The following UNC5C variants were observed in gnomAD, a reference collection of about 807,000 sequenced individuals.
UNC5C encodes the protein unc-5 netrin receptor C.
UNC5C carries 47 observed loss-of-function variants against 99.8 expected under a neutral mutation model. The observed-to-expected ratio is 0.47, with a 90% CI of 0.37 to 0.60. The LOEUF (loss-of-function observed/expected upper bound fraction) is 0.60, where lower values mean the gene tolerates loss of function less well. UNC5C is among the 20% of genes least tolerant of loss of function. The pLI is 0.00. For synonymous variants in UNC5C, 487 were observed against 452.2 expected (o/e 1.08, Z -0.98); for missense variants, 1,062 against 1,165.9 (o/e 0.91, Z 1.30).
intron 15 of UNC5C, 54 bp downstream of exon 15, chr4:95,170,100 G>C: frequency 6.3e-7 from 1 of 1,591,286 alleles, no homozygotes; most frequent in Non-Finnish European, 8.6e-7. Flanking sequence ...ATAGTTATCG[G>C]TCCTGGAGGG....
intron 1 of UNC5C, among the ~76,000 whole-genome samples, chr4:95,502,808 G>T (rs949966671): frequency 6.6e-6 from 1 of 152,026 alleles, no homozygotes. Flanking sequence ...TTAAGTTCAG[G>T]TTATATTGAA....
At chr4:95,257,531 G>T (rs1400285879) in intron 4 of UNC5C, among the ~76,000 whole-genome samples, 1 of 152,208 alleles carries the variant, frequency 6.6e-6, no homozygotes, top group East Asian at 1.9e-4. Flanking sequence ...TGTGGAAAGG[G>T]GGGTGCAAGG....
chr4:95,341,199 A>G (rs1743560465), intron 1 of UNC5C, among the ~76,000 whole-genome samples: 1 of 146,974 alleles, frequency 6.8e-6, no homozygotes, highest in Admixed American at 6.7e-5. Context: ...GAAGATGTCC[A>G]CTGCAGCATT....
chr4:95,521,218 T>C (rs1722348031), intron 1 of UNC5C, among the ~76,000 whole-genome samples: 2 of 42,348 alleles, frequency 4.7e-5, no homozygotes, highest in South Asian at 2.2e-3. Flanking sequence ...TTCTTTTTTC[T>C]TTTTTCTTTT....
intron 3 of UNC5C, among the ~76,000 whole-genome samples, chr4:95,279,044 G>A (rs182670218): frequency 3.0e-4 from 45 of 152,166 alleles, no homozygotes; most frequent in African/African-American, 7.5e-4. Flanking sequence ...ATTCCCTTAT[G>A]TATATACATA....
intron 1 of UNC5C, among the ~76,000 whole-genome samples, chr4:95,461,463 T>A (rs1747597726): frequency 6.6e-6 from 1 of 151,178 alleles, no homozygotes; most frequent in Admixed American, 6.6e-5. Context: ...ATTGTTGGCT[T>A]GTCTAAAATA....
At chr4:95,391,065 T>C (rs1247940651) in intron 1 of UNC5C, among the ~76,000 whole-genome samples, 1 of 152,170 alleles carries the variant, frequency 6.6e-6, no homozygotes, top group Non-Finnish European at 1.5e-5. Context: ...GTTTTATAAA[T>C]AGGAGTTCCC....
intron 4 of UNC5C, among the ~76,000 whole-genome samples, chr4:95,253,787 T>A (rs1159589980): frequency 6.6e-6 from 1 of 152,060 alleles, no homozygotes; most frequent in African/African-American, 2.4e-5. Context: ...GACAATCATC[T>A]CCATGAAAGG....
At chr4:95,292,670 A>G (rs17023470) in intron 3 of UNC5C, among the ~76,000 whole-genome samples, 17,891 of 152,216 alleles carry the variant, frequency 0.12, 1,309 homozygotes, top group Non-Finnish European at 0.15. Flanking sequence ...TAATAAGTAC[A>G]AGAGTGTAGA....
chr4:95,245,572 T>A (rs1477057258), intron 5 of UNC5C, among the ~76,000 whole-genome samples: 1 of 152,212 alleles, frequency 6.6e-6, no homozygotes, highest in Admixed American at 6.5e-5. Context: ...AAAAAAAAGA[T>A]TGATTTTTTA....
intron 1 of UNC5C, among the ~76,000 whole-genome samples, chr4:95,388,337 A>G (rs1157657500): frequency 9.9e-5 from 15 of 152,240 alleles, no homozygotes; most frequent in Non-Finnish European, 5.9e-5. Context: ...GAATTTTTTT[A>G]TAAGTTATTG....
chr4:95,343,188 C>T (rs1247281310), intron 1 of UNC5C, among the ~76,000 whole-genome samples: 1 of 152,018 alleles, frequency 6.6e-6, no homozygotes, highest in Non-Finnish European at 1.5e-5. Context: ...CAGTGGCTAC[C>T]ATGGGCCTTG....
At chr4:95,428,075 G>GTT (rs1036283067) in intron 1 of UNC5C, among the ~76,000 whole-genome samples, 2 of 141,556 alleles carry the variant, frequency 1.4e-5, no homozygotes, top group African/African-American at 2.6e-5. Context: ...TTAGGGTTTT[G>GTT]TTTTTTTTTT....
At chr4:95,478,008 G>A (rs1329634119) in intron 1 of UNC5C, among the ~76,000 whole-genome samples, 1 of 151,220 alleles carries the variant, frequency 6.6e-6, no homozygotes, top group Non-Finnish European at 1.5e-5. Flanking sequence ...AGTGCATGGT[G>A]CATAATAAGT....
chr4:95,235,510 G>T (rs1015907914), intron 7 of UNC5C, among the ~76,000 whole-genome samples: 1 of 152,028 alleles, frequency 6.6e-6, no homozygotes, highest in South Asian at 2.1e-4. Context: ...TGTCAATTTT[G>T]GCTTTTGTTG....
intron 1 of UNC5C, among the ~76,000 whole-genome samples, chr4:95,346,685 G>A (rs1216499007): frequency 6.6e-6 from 1 of 151,630 alleles, no homozygotes; most frequent in East Asian, 1.9e-4. Context: ...AACATATGAC[G>A]ATGAAAACCC....
At chr4:95,507,045 T>G (rs1335815601) in intron 1 of UNC5C, among the ~76,000 whole-genome samples, 2 of 151,974 alleles carry the variant, frequency 1.3e-5, no homozygotes, top group Non-Finnish European at 2.9e-5. Context: ...CTGAAAATCA[T>G]TACAATTTTA....
intron 7 of UNC5C, among the ~76,000 whole-genome samples, chr4:95,225,310 G>C (rs1013812886): frequency 6.6e-6 from 1 of 152,128 alleles, no homozygotes; most frequent in African/African-American, 2.4e-5. Flanking sequence ...GCCCACCTTA[G>C]CCTCCCAAAA....
At chr4:95,190,169 G>A (rs9684248) in intron 12 of UNC5C, among the ~76,000 whole-genome samples, 112,687 of 151,472 alleles carry the variant, frequency 0.74, 42,170 homozygotes, top group Middle Eastern at 0.84. Context: ...CATAAAAAAT[G>A]ATGAGTTCAT....
Sources: allele counts gnomAD v4.1 joint callset (sites outside exome capture counted in the v4.1 genomes callset), GRCh38; gene constraint gnomAD v4.1.1; transcripts MANE v1.5; gene names NCBI Gene and HGNC (gene_info 2026-07-23, HGNC 2026-07-21).